MAP4K3: variants seen among roughly 807,000 people sequenced by gnomAD.
MAP4K3 encodes MAPK/ERK kinase kinase kinase 3.
Under a neutral mutation model 143.5 loss-of-function variants are expected in MAP4K3, and 94 were observed. That is an observed-to-expected ratio of 0.65 (90% CI 0.55 to 0.78). The LOEUF (loss-of-function observed/expected upper bound fraction) is 0.78, where lower values mean the gene tolerates loss of function less well. Among genes scored for constraint, MAP4K3 ranks in the 30% least tolerant of loss-of-function variants. The probability of loss-of-function intolerance (pLI) is 0.00; values close to 1 mark genes in which losing one functional copy is unlikely to be tolerated. For synonymous variants in MAP4K3, 416 were observed against 347.2 expected (o/e 1.20, Z -2.20); for missense variants, 1,077 against 1,068.1 (o/e 1.01, Z -0.12).
intron 15 of MAP4K3, among the ~76,000 whole-genome samples, chr2:39,307,566 A>G (rs1166649323): frequency 7.3e-6 from 1 of 137,862 alleles, no homozygotes; most frequent in African/African-American, 3.0e-5. Flanking sequence ...ACCATATAAC[A>G]TATGAATTGT....
At chr2:39,388,614 T>C (rs908293114) in intron 1 of MAP4K3, among the ~76,000 whole-genome samples, 2 of 152,060 alleles carry the variant, frequency 1.3e-5, no homozygotes, top group East Asian at 3.9e-4. Flanking sequence ...ACCGCACAGG[T>C]AGGTTGGGGA....
At chr2:39,309,790 C>A (rs558264533) in intron 13 of MAP4K3, among the ~76,000 whole-genome samples, 24 of 151,930 alleles carry the variant, frequency 1.6e-4, no homozygotes, top group Non-Finnish European at 1.5e-4. Flanking sequence ...GATCCCCTGA[C>A]CTCGTGATCC....
intron 16 of MAP4K3, among the ~76,000 whole-genome samples, chr2:39,297,395 G>T (rs1486361230): frequency 6.6e-6 from 1 of 152,162 alleles, no homozygotes; most frequent in Admixed American, 6.5e-5. Context: ...TGGGATTACA[G>T]GCGTGAGTCA....
intron 33 of MAP4K3, among the ~76,000 whole-genome samples, chr2:39,251,499 G>A (rs943665874): frequency 6.6e-6 from 1 of 152,136 alleles, no homozygotes; most frequent in Admixed American, 6.5e-5. Flanking sequence ...ATGTCTTACA[G>A]TCAATCAGAA....
chr2:39,328,198 G>A (rs968037902), intron 8 of MAP4K3, among the ~76,000 whole-genome samples: 5 of 152,096 alleles, frequency 3.3e-5, no homozygotes, highest in Non-Finnish European at 5.9e-5. Context: ...GGGCATGGTG[G>A]CGCATGCCTG....
At chr2:39,340,263 G>A (rs1032412926) in intron 4 of MAP4K3, among the ~76,000 whole-genome samples, 33 of 152,292 alleles carry the variant, frequency 2.2e-4, no homozygotes, top group African/African-American at 7.7e-4. Context: ...CTACATGACC[G>A]TGCAAGTATA....
intron 7 of MAP4K3, among the ~76,000 whole-genome samples, chr2:39,332,527 T>A (rs1236864001): frequency 6.6e-6 from 1 of 152,048 alleles, no homozygotes; most frequent in Non-Finnish European, 1.5e-5. Context: ...TATGTATGAT[T>A]TGTTACTATT....
intron 12 of MAP4K3, among the ~76,000 whole-genome samples, chr2:39,320,416 T>C (rs1382330571): frequency 6.6e-6 from 1 of 152,170 alleles, no homozygotes; most frequent in Non-Finnish European, 1.5e-5. Flanking sequence ...AGCAGTAGGA[T>C]ATAAATAACT....
chr2:39,373,006 C>T (rs752900511), intron 2 of MAP4K3, among the ~76,000 whole-genome samples: 5 of 152,026 alleles, frequency 3.3e-5, no homozygotes, highest in Non-Finnish European at 4.4e-5. Context: ...GAGACAACCC[C>T]ATGAATGGCA....
chr2:39,302,328 T>C (rs1398595607), intron 15 of MAP4K3, among the ~76,000 whole-genome samples: 3 of 152,220 alleles, frequency 2.0e-5, no homozygotes, highest in African/African-American at 7.2e-5. Context: ...AACAATGTGC[T>C]AGGAATACCA....
At chr2:39,309,149 G>C (rs568007225) in intron 14 of MAP4K3, among the ~76,000 whole-genome samples, 1 of 151,878 alleles carries the variant, frequency 6.6e-6, no homozygotes. Flanking sequence ...TTAAAGACAA[G>C]GTCTCACACT....
At chr2:39,425,166 GA>G (rs1339908435) in intron 1 of MAP4K3, among the ~76,000 whole-genome samples, 1 of 141,130 alleles carries the variant, frequency 7.1e-6, no homozygotes, top group Non-Finnish European at 1.5e-5. Flanking sequence ...GATTCTTACA[GA>G]AAAAAAGTAG....
In MAP4K3 at chr2:39,293,224, A is replaced by C. The variant is rs1427673999; in HGVS notation, c.1217+6T>G. The C allele has an allele frequency of 1.9e-6, 3 of 1,544,380 alleles. No individual in the cohort carries two copies. Among genetic ancestry groups the C allele is most frequent in the Non-Finnish European group, 1.8e-6 (2 of 1,140,744 alleles). On this transcript the variant is annotated splice_donor_region_variant and intron_variant, in intron 17 of 33. Coordinates refer to ENST00000263881, the MANE Select transcript of MAP4K3 (RefSeq NM_003618.4). ...AAAGTACTTTAAGATTAAAAATTAA[A>C]ATTACCGCTGATGCAATTCTTCTTC...
Position 39,325,689 on chromosome 2 carries a change from C to G in MAP4K3, c.807+41G>C, listed in dbSNP as rs371190791. 64 of 1,558,574 alleles carry G rather than the reference C, an allele frequency of 4.1e-5. 1 individual carries two copies. Among genetic ancestry groups the G allele is most frequent in the Non-Finnish European group, 4.7e-5 (53 of 1,137,490 alleles). ...TAAATCTGATTGAATAACATTTTAT[C>G]TTTTGAAATATATATATATATTTCA... On this transcript the variant is annotated intron_variant, in intron 11 of 33. Transcript: ENST00000263881.
intron 1 of MAP4K3, among the ~76,000 whole-genome samples, chr2:39,389,341 CATCTAATTA>C (rs1351892888): frequency 6.6e-6 from 1 of 151,972 alleles, no homozygotes; most frequent in Non-Finnish European, 1.5e-5. Flanking sequence ...AGAAAATATA[CATCTAATTA>C]AACAAGGAAG....
intron 22 of MAP4K3, among the ~76,000 whole-genome samples, chr2:39,280,746 T>TTTTC (rs1489882355): frequency 6.6e-6 from 1 of 152,156 alleles, no homozygotes; most frequent in African/African-American, 2.4e-5. Flanking sequence ...ATTTTTCTTG[T>TTTTC]TTGGTTTTAT....
intron 33 of MAP4K3, among the ~76,000 whole-genome samples, chr2:39,251,081 A>G (rs1214463046): frequency 6.6e-6 from 1 of 152,234 alleles, no homozygotes; most frequent in Non-Finnish European, 1.5e-5. Flanking sequence ...TGAATAACGT[A>G]CCCAGACACT....
At chr2:39,268,805 A>G (rs1680889837) in intron 26 of MAP4K3, among the ~76,000 whole-genome samples, 1 of 151,708 alleles carries the variant, frequency 6.6e-6, no homozygotes, top group Non-Finnish European at 1.5e-5. Flanking sequence ...ACACCCAACT[A>G]ATTTTTGTAC....
chr2:39,256,806 G>A (rs10175038), intron 31 of MAP4K3, among the ~76,000 whole-genome samples: 122,860 of 152,064 alleles, frequency 0.81, 51,517 homozygotes, highest in Non-Finnish European at 0.92. Context: ...GGGGAGGTAG[G>A]TAAAAAAACC....
Sources: allele counts gnomAD v4.1 joint callset (sites outside exome capture counted in the v4.1 genomes callset), GRCh38; gene constraint gnomAD v4.1.1; transcripts MANE v1.5; gene names NCBI Gene and HGNC (gene_info 2026-07-23, HGNC 2026-07-21).